Variants in MTMR9 observed in about 807,000 individuals in gnomAD.
MTMR9 encodes myotubularin related protein 9, also known as myotubularin-related protein 9.
In MTMR9, 39 loss-of-function variants were observed where a neutral mutation model predicts 69.5. The observed-to-expected ratio is 0.56, with a 90% CI of 0.43 to 0.73. The LOEUF (loss-of-function observed/expected upper bound fraction) is 0.73. MTMR9 is among the 30% of genes least tolerant of loss of function. The pLI, the probability that MTMR9 is intolerant of heterozygous loss-of-function variation, is 0.00. For missense variants in MTMR9, 900 were observed against 671.2 expected, an observed-to-expected ratio of 1.34 and a Z score of -3.77; for synonymous variants, 354 against 240.8, an observed-to-expected ratio of 1.47 and a Z score of -4.35.
intron 5 of MTMR9, among the ~76,000 whole-genome samples, chr8:11,307,383 T>TAA (rs1799980429): frequency 6.6e-6 from 1 of 152,198 alleles, no homozygotes. Context: ...ACCCTCTTTT[T>TAA]TAAGGCTGAA....
At chr8:11,302,363 A>C (rs751049368) in intron 3 of MTMR9, among the ~76,000 whole-genome samples, 6 of 151,628 alleles carry the variant, frequency 4.0e-5, no homozygotes, top group African/African-American at 4.8e-5. Context: ...AATCAGTAGA[A>C]GTTATTGAAC....
the MTMR9 span, among the ~76,000 whole-genome samples, chr8:11,335,273 G>A: frequency 3.9e-5 from 6 of 152,266 alleles, no homozygotes; most frequent in Admixed American, 1.3e-4. Context: ...CTATCTGTCA[G>A]CAATGAACAA....
At chr8:11,321,557 C>T (rs1197595796) in intron 9 of MTMR9, 1 of 453,772 alleles carries the variant, frequency 2.2e-6, no homozygotes. Context: ...TAAGTCCTGC[C>T]ATGCCGGAGT....
At chr8:11,314,343 A>G (rs1166862926) in intron 6 of MTMR9, among the ~76,000 whole-genome samples, 1 of 152,170 alleles carries the variant, frequency 6.6e-6, no homozygotes. Flanking sequence ...ATGCAGTGGT[A>G]TCTTTACAAC....
downstream of MTMR9, among the ~76,000 whole-genome samples, chr8:11,329,407 C>A (rs1208196892): frequency 1.3e-5 from 2 of 152,218 alleles, no homozygotes; most frequent in African/African-American, 4.8e-5. Flanking sequence ...TCACTGCAAC[C>A]TCCCTGCCTG....
chr8:11,304,611 A>G (rs1352514829), intron 3 of MTMR9, among the ~76,000 whole-genome samples: 1 of 152,222 alleles, frequency 6.6e-6, no homozygotes, highest in Non-Finnish European at 1.5e-5. Flanking sequence ...AGTGTGAGAA[A>G]GCACTTTCTG....
At chr8:11,331,399 C>A (rs937177909), downstream of MTMR9, 4 of 1,613,854 alleles carry the variant, frequency 2.5e-6, no homozygotes, top group African/African-American at 4.0e-5. Context: ...CTGGGACCTC[C>A]TGACATCCGA....
the MTMR9 span, among the ~76,000 whole-genome samples, chr8:11,335,136 T>C: frequency 6.6e-6 from 1 of 152,210 alleles, no homozygotes; most frequent in African/African-American, 2.4e-5. Context: ...CAGAACTCTT[T>C]GTTCACAGAT....
downstream of MTMR9, among the ~76,000 whole-genome samples, chr8:11,328,616 T>C (rs1480047713): frequency 6.6e-6 from 1 of 152,238 alleles, no homozygotes; most frequent in Non-Finnish European, 1.5e-5. Flanking sequence ...TTTGGCATAT[T>C]ATTACAGTAA....
the MTMR9 span, among the ~76,000 whole-genome samples, chr8:11,339,394 T>C: frequency 7.9e-5 from 12 of 152,244 alleles, no homozygotes; most frequent in Non-Finnish European, 1.8e-4. Flanking sequence ...TTATTCATTC[T>C]CTATCACAAT....
intron 3 of MTMR9, chr8:11,300,571 A>G (rs1436126313): frequency 6.6e-6 from 1 of 152,206 alleles, no homozygotes; most frequent in Non-Finnish European, 1.5e-5. Context: ...CCTAAGCACC[A>G]ATTTAAGAAG....
In MTMR9 at chr8:11,325,363, C is replaced by T. The variant is rs941047178; in HGVS notation, c.*2575C>T. ...ACGGATACACTCCTGAGAAGACACT[C>T]GTTAAACATTGCATCGGAGAGCTGC... On this transcript the variant is annotated 3_prime_UTR_variant, in exon 10 of 10. Transcript: ENST00000221086. 6 of 152,194 alleles carry T rather than the reference C, an allele frequency of 3.9e-5. No homozygotes were observed. The highest frequency in any genetic ancestry group is 7.3e-5 in the Non-Finnish European group (5 of 68,044). 9.4% of individuals were successfully genotyped at this position (152,194 alleles called of 1,614,324 possible). A position where few individuals can be genotyped will look rare whatever the true frequency, so the allele number is the denominator to read the frequency against.
intron 3 of MTMR9, among the ~76,000 whole-genome samples, chr8:11,303,238 A>G (rs1448928373): frequency 6.7e-6 from 1 of 150,138 alleles, no homozygotes; most frequent in Non-Finnish European, 1.5e-5. Context: ...AAAGTGGACA[A>G]GTGCGACGGG....
chr8:11,292,685 A>T (rs541717705), intron 1 of MTMR9, among the ~76,000 whole-genome samples: 1 of 151,934 alleles, frequency 6.6e-6, no homozygotes, highest in African/African-American at 2.4e-5. Flanking sequence ...TTTGTAATGG[A>T]TTATTTGCTT....
downstream of MTMR9, among the ~76,000 whole-genome samples, chr8:11,328,439 T>C (rs1304266767): frequency 1.3e-5 from 2 of 152,068 alleles, no homozygotes; most frequent in African/African-American, 4.8e-5. Context: ...GTCTTCTAAA[T>C]ACTTCACAGG....
chr8:11,307,870 A>G (rs777994369), intron 5 of MTMR9, among the ~76,000 whole-genome samples: 5 of 151,932 alleles, frequency 3.3e-5, no homozygotes, highest in Non-Finnish European at 4.4e-5. Context: ...ATGTCTGTTC[A>G]GGTCTTGCCC....
chr8:11,321,673 G>A (rs1437892909), intron 9 of MTMR9: 3 of 307,168 alleles, frequency 9.8e-6, no homozygotes, highest in East Asian at 8.0e-5. Context: ...ACTGCTCTTC[G>A]GCCTTAAAAT....
At chr8:11,293,494 C>G (rs78445917) in intron 1 of MTMR9, among the ~76,000 whole-genome samples, 1,800 of 152,096 alleles carry the variant, frequency 0.012, 26 homozygotes, top group African/African-American at 0.041. Flanking sequence ...ACAGGAATGC[C>G]CCGTGGCTTA....
the MTMR9 span, among the ~76,000 whole-genome samples, chr8:11,336,656 A>T: frequency 3.3e-5 from 5 of 152,280 alleles, no homozygotes; most frequent in African/African-American, 1.2e-4. Flanking sequence ...ATACCCTTAA[A>T]GTTATTTGGA....
Sources: allele counts gnomAD v4.1 joint callset (sites outside exome capture counted in the v4.1 genomes callset), GRCh38; gene constraint gnomAD v4.1.1; transcripts MANE v1.5; gene names NCBI Gene and HGNC (gene_info 2026-07-23, HGNC 2026-07-21).